Variants in LPP observed in about 807,000 individuals in gnomAD.
The protein encoded by LPP is LIM domain containing preferred translocation partner in lipoma, also known as lipoma-preferred partner.
LPP carries 38 observed loss-of-function variants against 60.4 expected under a neutral mutation model. The observed-to-expected ratio is 0.63, with a 90% CI of 0.49 to 0.83. LPP has a LOEUF of 0.83. Among genes scored for constraint, LPP ranks in the 40% least tolerant of loss-of-function variants. The probability of loss-of-function intolerance (pLI) is 0.00; values close to 1 mark genes in which losing one functional copy is unlikely to be tolerated. For synonymous variants in LPP, 328 were observed against 290.8 expected (o/e 1.13, Z -1.30); for missense variants, 902 against 783.6 (o/e 1.15, Z -1.80).
chr3:188,379,480 C>T (rs1356705770), intron 3 of LPP, among the ~76,000 whole-genome samples: 1 of 152,092 alleles, frequency 6.6e-6, no homozygotes, highest in African/African-American at 2.4e-5. Context: ...TCACCAAGAT[C>T]AATTTTAGAA....
Position 188,866,273 on chromosome 3 carries a change from A to G in LPP, c.1484A>G (p.Tyr495Cys), listed in dbSNP as rs142800356. ...ATTCTCCGAGCCACCGGGAAGGCCT[A>G]TCATCCTCACTGTTTCACCTGCGTG... ...ERILRATGKAYHPHCFTCVMC... is the reference protein window; with the variant it reads ...ERILRATGKACHPHCFTCVMC... Residue 495 changes from tyrosine to cysteine, a missense_variant, in exon 10 of 12, where the codon TAT (tyrosine) becomes TGT (cysteine). Physicochemically the swap from Tyr to Cys is radical, Grantham distance 194. Coordinates refer to ENST00000617246, the MANE Select transcript of LPP (RefSeq NM_001375462.1). The G allele has an allele frequency of 7.7e-5, 122 of 1,591,328 alleles. No homozygotes were observed. The highest frequency in any genetic ancestry group is 9.8e-5 in the Non-Finnish European group (115 of 1,168,102).
intron 7 of LPP, among the ~76,000 whole-genome samples, chr3:188,706,653 A>G (rs1865534404): frequency 6.6e-6 from 1 of 152,214 alleles, no homozygotes; most frequent in Admixed American, 6.5e-5. Context: ...GAATGATAGC[A>G]TGTGTTCAGA....
intron 2 of LPP, among the ~76,000 whole-genome samples, chr3:188,340,923 A>G (rs764152370): frequency 6.6e-6 from 1 of 152,188 alleles, no homozygotes; most frequent in Non-Finnish European, 1.5e-5. Context: ...CTCTATAACC[A>G]TATATATGGA....
At chr3:188,630,096 A>T (rs1847583070) in intron 7 of LPP, among the ~76,000 whole-genome samples, 2 of 152,192 alleles carry the variant, frequency 1.3e-5, no homozygotes, top group African/African-American at 2.4e-5. Context: ...TCCGAAAGCA[A>T]TTGCAACAAA....
chr3:188,567,802 C>A (rs1832555660), intron 6 of LPP, among the ~76,000 whole-genome samples: 1 of 151,938 alleles, frequency 6.6e-6, no homozygotes. Context: ...CATATCAACA[C>A]CTGTTTAATC....
intron 9 of LPP, among the ~76,000 whole-genome samples, chr3:188,804,278 TATATAA>T (rs1267827123): frequency 7.6e-5 from 9 of 119,158 alleles, no homozygotes; most frequent in Non-Finnish European, 1.1e-4. Flanking sequence ...TATATATATA[TATATAA>T]AATGGAATAC....
At chr3:188,578,254 C>G (rs1245758378) in intron 6 of LPP, among the ~76,000 whole-genome samples, 2 of 152,046 alleles carry the variant, frequency 1.3e-5, no homozygotes, top group Admixed American at 6.6e-5. Context: ...TTCCCTTGCC[C>G]TTTCCCCACT....
At chr3:188,240,716 G>A (rs1046100098) in intron 2 of LPP, among the ~76,000 whole-genome samples, 3 of 152,074 alleles carry the variant, frequency 2.0e-5, no homozygotes, top group African/African-American at 7.2e-5. Context: ...ACCTTCTTTG[G>A]GATTCTTCCC....
At chr3:188,413,192 T>C (rs1785303300) in intron 4 of LPP, among the ~76,000 whole-genome samples, 1 of 152,114 alleles carries the variant, frequency 6.6e-6, no homozygotes, top group South Asian at 2.1e-4. Flanking sequence ...AAGGAATAAT[T>C]TAGACTGGAT....
chr3:188,671,346 A>C (rs1856915417), intron 7 of LPP, among the ~76,000 whole-genome samples: 1 of 152,244 alleles, frequency 6.6e-6, no homozygotes, highest in Non-Finnish European at 1.5e-5. Context: ...GTCCCTTTGC[A>C]ATCAAGTTAA....
intron 6 of LPP, among the ~76,000 whole-genome samples, chr3:188,542,467 C>T (rs947132777): frequency 6.6e-6 from 1 of 152,186 alleles, no homozygotes; most frequent in African/African-American, 2.4e-5. Context: ...TTGCCTTGTG[C>T]ACAGAATCCT....
intron 3 of LPP, among the ~76,000 whole-genome samples, chr3:188,343,568 T>A (rs1763601331): frequency 6.6e-6 from 1 of 152,172 alleles, no homozygotes; most frequent in South Asian, 2.1e-4. Flanking sequence ...TGTTAAATAT[T>A]AATAGAATAA....
intron 7 of LPP, among the ~76,000 whole-genome samples, chr3:188,648,756 A>G (rs918392103): frequency 6.6e-6 from 1 of 152,180 alleles, no homozygotes; most frequent in Non-Finnish European, 1.5e-5. Flanking sequence ...CTGGTGCTCA[A>G]GCACCAAGAA....
intron 7 of LPP, among the ~76,000 whole-genome samples, chr3:188,617,979 G>T (rs1349619288): frequency 2.0e-5 from 3 of 152,142 alleles, no homozygotes; most frequent in African/African-American, 7.2e-5. Flanking sequence ...AGAGACTATG[G>T]TTATTCTCTT....
chr3:188,755,794 A>G, intron 8 of LPP, among the ~76,000 whole-genome samples: 1 of 127,914 alleles, frequency 7.8e-6, no homozygotes, highest in African/African-American at 3.0e-5. Context: ...TGGGCAACAG[A>G]GTGAGATCCT....
intron 5 of LPP, among the ~76,000 whole-genome samples, chr3:188,517,287 ATTAC>A (rs1817637226): frequency 6.6e-6 from 1 of 152,220 alleles, no homozygotes; most frequent in Non-Finnish European, 1.5e-5. Context: ...CTTTGAGGAA[ATTAC>A]TTAATACAAA....
chr3:188,250,810 C>T lies in LPP; in HGVS notation c.-67+25283C>T, dbSNP rs9754529. Among the ~76,000 whole-genome samples the T allele has an allele frequency of 6.4e-3, 637 of 99,360 alleles. 4 individuals are homozygous for T. Among genetic ancestry groups the T allele is most frequent in the South Asian group, 0.018 (57 of 3,122 alleles). 65.2% of individuals were successfully genotyped at this position (99,360 alleles called of 152,430 possible). A position where few individuals can be genotyped will look rare whatever the true frequency, so the allele number is the denominator to read the frequency against. On this transcript the variant is annotated intron_variant, in intron 2 of 11. Coordinates refer to ENST00000617246, the MANE Select transcript of LPP (RefSeq NM_001375462.1). ...TCTGTCTTTCTCTTTCTTTCTTTCT[C>T]TTTCTTTCTTTCTTTTTCTTTCTTT...
chr3:188,874,246 G>T, intron 11 of LPP, 105 bp from the exon 12 acceptor site: 1 of 997,442 alleles, frequency 1.0e-6, no homozygotes. Context: ...GATAGTAAGT[G>T]GCCACATTAT....
intron 7 of LPP, among the ~76,000 whole-genome samples, chr3:188,633,264 G>T (rs1848162667): frequency 6.6e-6 from 1 of 152,150 alleles, no homozygotes; most frequent in Non-Finnish European, 1.5e-5. Flanking sequence ...ACCCACCCGG[G>T]TCACCTCCCA....
Sources: allele counts gnomAD v4.1 joint callset (sites outside exome capture counted in the v4.1 genomes callset), GRCh38; gene constraint gnomAD v4.1.1; transcripts MANE v1.5; gene names NCBI Gene and HGNC (gene_info 2026-07-23, HGNC 2026-07-21).